CREB5: variants seen among roughly 807,000 people sequenced by gnomAD.
CREB5 encodes cAMP responsive element binding protein 5, also known as cyclic AMP-responsive element-binding protein 5.
CREB5 carries 19 observed loss-of-function variants against 57.1 expected under a neutral mutation model. The observed-to-expected ratio is 0.33, with a 90% CI of 0.23 to 0.49. The LOEUF (loss-of-function observed/expected upper bound fraction) is 0.49, where lower values mean the gene tolerates loss of function less well. CREB5 is among the 20% of genes least tolerant of loss of function. CREB5 has a pLI of 0.99. For synonymous variants in CREB5, 238 were observed against 238.3 expected (o/e 1.00, Z 0.01); for missense variants, 579 against 671.6 (o/e 0.86, Z 1.52).
At chr7:28,322,978 C>T (rs1453409640) in intron 1 of CREB5, among the ~76,000 whole-genome samples, 6 of 152,268 alleles carry the variant, frequency 3.9e-5, no homozygotes, top group African/African-American at 1.2e-4. Flanking sequence ...TGTCCTTTAG[C>T]TAACCAACTC....
chr7:28,459,773 TTGTGGGGTC>T (rs1790275521), intron 1 of CREB5, among the ~76,000 whole-genome samples: 1 of 152,182 alleles, frequency 6.6e-6, no homozygotes, highest in Non-Finnish European at 1.5e-5. Flanking sequence ...CATGTTGCCC[TTGTGGGGTC>T]CTGTTTTCAT....
At chr7:28,314,476 T>C (rs984624678) in intron 1 of CREB5, among the ~76,000 whole-genome samples, 2 of 152,232 alleles carry the variant, frequency 1.3e-5, no homozygotes, top group East Asian at 3.8e-4. Context: ...GAAAGCACGA[T>C]GGCTTTGTGT....
At chr7:28,782,569 A>G (rs1300052285) in intron 7 of CREB5, among the ~76,000 whole-genome samples, 4 of 152,216 alleles carry the variant, frequency 2.6e-5, no homozygotes, top group Admixed American at 2.0e-4. Flanking sequence ...CTCCCCACCA[A>G]TTGCAACTGA....
intron 1 of CREB5, among the ~76,000 whole-genome samples, chr7:28,380,845 C>T (rs1400294093): frequency 6.6e-6 from 1 of 152,092 alleles, no homozygotes; most frequent in Non-Finnish European, 1.5e-5. Flanking sequence ...AATGGTACTA[C>T]CTCGTGGGGT....
chr7:28,744,221 G>A (rs1472199582), intron 7 of CREB5, among the ~76,000 whole-genome samples: 1 of 150,344 alleles, frequency 6.7e-6, no homozygotes, highest in Admixed American at 6.6e-5. Flanking sequence ...TGGTGTATAT[G>A]TGCCACATTT....
At chr7:28,683,069 G>A (rs1009741644) in intron 5 of CREB5, among the ~76,000 whole-genome samples, 5 of 152,202 alleles carry the variant, frequency 3.3e-5, no homozygotes, top group Non-Finnish European at 7.3e-5. Flanking sequence ...CAGCTAATCT[G>A]GAGACCTAGC....
chr7:28,713,590 T>TGC (rs1802518992), intron 5 of CREB5, among the ~76,000 whole-genome samples: 1 of 152,216 alleles, frequency 6.6e-6, no homozygotes, highest in Non-Finnish European at 1.5e-5. Context: ...ACCTACTGTG[T>TGC]GCCAGATGCT....
chr7:28,682,154 G>A (rs567546080), intron 5 of CREB5, among the ~76,000 whole-genome samples: 1 of 152,332 alleles, frequency 6.6e-6, no homozygotes, highest in African/African-American at 2.4e-5. Flanking sequence ...AGGAGGTGCA[G>A]TAGTTACACG....
At chr7:28,587,724 C>T (rs1289172263) in intron 5 of CREB5, among the ~76,000 whole-genome samples, 3 of 152,136 alleles carry the variant, frequency 2.0e-5, no homozygotes, top group Non-Finnish European at 1.5e-5. Flanking sequence ...GGTTTATTTT[C>T]CTAAGGTTCA....
chr7:28,639,334 C>G (rs548192928), intron 5 of CREB5, among the ~76,000 whole-genome samples: 6 of 149,460 alleles, frequency 4.0e-5, no homozygotes, highest in African/African-American at 1.3e-4. Flanking sequence ...AAAATACCAA[C>G]AGACATTCCT....
rs562947526 is a variant in CREB5, at chr7:28,754,172, G to A, written c.702+29840G>A. ...GGGTGAGGTCACTGCAGAAGGGAGAGTGAGGTAAGAACACAGCTGAATCTA... is the reference window on the plus strand; with the variant it reads ...GGGTGAGGTCACTGCAGAAGGGAGAATGAGGTAAGAACACAGCTGAATCTA... On this transcript the variant is annotated intron_variant, in intron 7 of 10. Coordinates refer to ENST00000357727, the MANE Select transcript of CREB5 (RefSeq NM_182898.4). Among the ~76,000 whole-genome samples the A allele has an allele frequency of 1.1e-4, 17 of 152,310 alleles. No homozygotes were observed. In the South Asian group the frequency reaches 1.2e-3, roughly 11 times the overall value.
intron 1 of CREB5, among the ~76,000 whole-genome samples, chr7:28,376,541 A>T (rs1174918812): frequency 6.6e-6 from 1 of 152,162 alleles, no homozygotes; most frequent in Non-Finnish European, 1.5e-5. Flanking sequence ...AAGTGTTGGT[A>T]TTACAGGCAC....
chr7:28,646,696 A>G (rs899379670), intron 5 of CREB5, among the ~76,000 whole-genome samples: 1 of 152,158 alleles, frequency 6.6e-6, no homozygotes, highest in Non-Finnish European at 1.5e-5. Context: ...TGACATGGAA[A>G]CCCAAAGGGC....
At chr7:28,308,782 G>A (rs940035209) in intron 1 of CREB5, among the ~76,000 whole-genome samples, 12 of 152,148 alleles carry the variant, frequency 7.9e-5, no homozygotes, top group African/African-American at 2.4e-4. Context: ...TTAGACTTCC[G>A]GTTTCGGCAA....
intron 5 of CREB5, among the ~76,000 whole-genome samples, chr7:28,606,497 C>G (rs1264872904): frequency 6.6e-6 from 1 of 152,156 alleles, no homozygotes; most frequent in Non-Finnish European, 1.5e-5. Flanking sequence ...AGTCATCCAT[C>G]CCTGGGAATA....
chr7:28,560,376 C>T (rs535879936), intron 4 of CREB5, among the ~76,000 whole-genome samples: 3 of 152,202 alleles, frequency 2.0e-5, no homozygotes, highest in Admixed American at 6.5e-5. Flanking sequence ...AATATAGGGT[C>T]TTGAAGGCAA....
At chr7:28,665,356 C>T (rs1799781254) in intron 5 of CREB5, among the ~76,000 whole-genome samples, 1 of 152,210 alleles carries the variant, frequency 6.6e-6, no homozygotes, top group African/African-American at 2.4e-5. Flanking sequence ...AAAGAAACAA[C>T]TTGCAGAAAC....
intron 4 of CREB5, among the ~76,000 whole-genome samples, chr7:28,536,935 C>T (rs1456999174): frequency 6.6e-6 from 1 of 152,124 alleles, no homozygotes; most frequent in Non-Finnish European, 1.5e-5. Flanking sequence ...TGCTTTTTTC[C>T]AAAAGTGGTA....
chr7:28,334,997 A>G (rs1211937029), intron 1 of CREB5, among the ~76,000 whole-genome samples: 1 of 152,148 alleles, frequency 6.6e-6, no homozygotes, highest in Non-Finnish European at 1.5e-5. Context: ...CTCTCATCCA[A>G]AAGAATTCAC....
Sources: allele counts gnomAD v4.1 joint callset (sites outside exome capture counted in the v4.1 genomes callset), GRCh38; gene constraint gnomAD v4.1.1; transcripts MANE v1.5; gene names NCBI Gene and HGNC (gene_info 2026-07-23, HGNC 2026-07-21).